Variants in ANKRD30B observed in about 807,000 individuals in gnomAD.
ANKRD30B encodes the protein ankyrin repeat domain-containing protein 30B.
In ANKRD30B, 144 loss-of-function variants were observed where a neutral mutation model predicts 202.2. The observed-to-expected ratio is 0.71, with a 90% CI of 0.62 to 0.82. ANKRD30B has a LOEUF of 0.82. Among genes scored for constraint, ANKRD30B ranks in the 40% least tolerant of loss-of-function variants. The pLI, the probability that ANKRD30B is intolerant of heterozygous loss-of-function variation, is 0.00. For synonymous variants in ANKRD30B, 508 were observed against 561.3 expected (o/e 0.91, Z 1.34); for missense variants, 1,487 against 1,669.1 (o/e 0.89, Z 1.90).
chr18:14,937,724 T>A, the ANKRD30B span, among the ~76,000 whole-genome samples: 4 of 152,250 alleles, frequency 2.6e-5, no homozygotes, highest in Non-Finnish European at 5.9e-5. Flanking sequence ...TGTTGCTCCG[T>A]TCTTCTGTTG....
chr18:14,767,482 T>A lies in ANKRD30B; in HGVS notation c.1226-1861T>A, dbSNP rs540341756. Among the ~76,000 whole-genome samples the A allele has an allele frequency of 5.3e-5, 8 of 152,296 alleles. No homozygotes were observed. In the South Asian group the frequency reaches 1.4e-3, roughly 28 times the overall value. ...GTGAATACGGTCTCTCAAAGTGTCT[T>A]GTATTGTACTCACCCTTCTTTTTCT... On this transcript the variant is annotated intron_variant, in intron 7 of 43. Coordinates refer to ENST00000690538, the MANE Select transcript of ANKRD30B (RefSeq NM_001367607.2).
chr18:14,843,229 C>T, intron 39 of ANKRD30B, 133 bp downstream of exon 39: 1 of 939,202 alleles, frequency 1.1e-6, no homozygotes, highest in Non-Finnish European at 1.5e-6. Flanking sequence ...GTGGTATCCA[C>T]ATTTGAAAAA....
At chr18:14,790,854 T>G (rs2143924091) in intron 15 of ANKRD30B, among the ~76,000 whole-genome samples, 1 of 152,156 alleles carries the variant, frequency 6.6e-6, no homozygotes, top group Admixed American at 6.5e-5. Context: ...AAATTCTCTT[T>G]TTTTTGTTGT....
chr18:14,852,511 TAA>T, intron 42 of ANKRD30B, 91 bp downstream of exon 42: 1 of 1,361,244 alleles, frequency 7.3e-7, no homozygotes, highest in Non-Finnish European at 9.6e-7. Context: ...TATATATATA[TAA>T]ATAGATGATA....
chr18:14,887,183 G>A, the ANKRD30B span, among the ~76,000 whole-genome samples: 1 of 152,064 alleles, frequency 6.6e-6, no homozygotes. Context: ...CTTTGGAAGT[G>A]GAAATTCATC....
the ANKRD30B span, among the ~76,000 whole-genome samples, chr18:14,866,638 G>T: frequency 6.6e-6 from 1 of 152,226 alleles, no homozygotes; most frequent in Admixed American, 6.5e-5. Context: ...AAAGATGGCA[G>T]GGTAGGTGCG....
In ANKRD30B at chr18:14,819,570, T is replaced by G. The variant is rs1254152094; in HGVS notation, c.2642-2913T>G. 2.6e-5 allele frequency among the ~76,000 whole-genome samples: 4 copies of G among 152,328 alleles called. No homozygotes were observed. The East Asian group carries it at 5.8e-4, about 22-fold the overall frequency. On this transcript the variant is annotated intron_variant, in intron 30 of 43. Coordinates refer to ENST00000690538, the MANE Select transcript of ANKRD30B (RefSeq NM_001367607.2). ...TGTAAGGAAGGGATCCAGTTTCAGC[T>G]TTCTACATATGGCTCGCCAGTTTTC...
chr18:14,886,492 G>C, the ANKRD30B span, among the ~76,000 whole-genome samples: 1 of 152,056 alleles, frequency 6.6e-6, no homozygotes, highest in East Asian at 1.9e-4. Context: ...ACCAGGAATG[G>C]ATTTACTACT....
chr18:14,795,932 C>T lies in ANKRD30B; in HGVS notation c.1826-289C>T, dbSNP rs1298234115. ...TTCTTTCCCTATACGGCAGATTAAT[C>T]TTACTGGTATTAGGATTTTTCTAAT... On this transcript the variant is annotated intron_variant, in intron 16 of 43. Transcript: ENST00000690538. 7.3e-5 allele frequency among the ~76,000 whole-genome samples: 11 copies of T among 151,204 alleles called. 1 individual carries two copies. The highest frequency in any genetic ancestry group is 1.5e-5 in the Non-Finnish European group (1 of 67,914).
chr18:14,851,693 A>C lies in ANKRD30B; in HGVS notation c.3749A>C (p.Lys1250Thr), dbSNP rs1445224910. Residue 1250 changes from lysine to threonine, a missense_variant, in exon 42 of 44, where the codon AAA (lysine) becomes ACA (threonine). Physicochemically the swap from Lys to Thr is moderately conservative, Grantham distance 78. This residue lies in a region of ANKRD30B where 177 missense variants were observed against 216.4 expected (regional missense o/e 0.82). Coordinates refer to ENST00000690538, the MANE Select transcript of ANKRD30B (RefSeq NM_001367607.2). ...EKNAELQMTL[K>T]LKQKTVTKRA... ...AATGCTGAACTTCAAATGACCCTAA[A>C]ACTGAAACAGAAAACAGTAACAAAA... The C allele has an allele frequency of 7.4e-6, 12 of 1,610,780 alleles. 1 individual carries two copies. In the South Asian group the frequency reaches 1.3e-4, roughly 18 times the overall value.
At position 14,808,758 on chromosome 18, in the gene ANKRD30B, T is replaced by A. The variant is rs1568034703; in HGVS notation, c.2386+14T>A. The A allele has an allele frequency of 7.0e-7, 1 of 1,419,644 alleles. No individual in the cohort carries two copies. Among genetic ancestry groups the A allele is most frequent in the Non-Finnish European group, 9.5e-7 (1 of 1,047,516 alleles). 87.9% of individuals were successfully genotyped at this position (1,419,644 alleles called of 1,614,324 possible). ...CACTCAAAGCAGGTAAATTTTGTAA[T>A]TTAAATTTTAATCTGGAATTAAGAA... On this transcript the variant is annotated intron_variant, in intron 26 of 43. Transcript: ENST00000690538.
the ANKRD30B span, among the ~76,000 whole-genome samples, chr18:14,876,118 T>C: frequency 2.0e-5 from 3 of 151,788 alleles, no homozygotes; most frequent in Non-Finnish European, 4.4e-5. Flanking sequence ...GGCATGGCTC[T>C]GGACCTCAGG....
At chr18:14,790,085 CTCCTTGAAGAGG>C (rs1216409691) in intron 15 of ANKRD30B, among the ~76,000 whole-genome samples, 1 of 152,018 alleles carries the variant, frequency 6.6e-6, no homozygotes, top group Non-Finnish European at 1.5e-5. Flanking sequence ...GTTTGTAGTT[CTCCTTGAAGAGG>C]TCCTTCATGT....
the ANKRD30B span, among the ~76,000 whole-genome samples, chr18:14,874,979 T>G: frequency 2.6e-5 from 4 of 152,158 alleles, no homozygotes; most frequent in Non-Finnish European, 5.9e-5. Flanking sequence ...ACAGGTCCAC[T>G]CAGGCTGCAC....
At chr18:14,907,332 A>G in the ANKRD30B span, among the ~76,000 whole-genome samples, 1 of 152,088 alleles carries the variant, frequency 6.6e-6, no homozygotes. Flanking sequence ...AAAAGACATC[A>G]AATGATAGGG....
chr18:14,785,020 G>GTT (rs1380081644), intron 14 of ANKRD30B, among the ~76,000 whole-genome samples: 1 of 152,108 alleles, frequency 6.6e-6, no homozygotes, highest in Admixed American at 6.6e-5. Context: ...GTGTTTGTGT[G>GTT]TGTGTGTGTC....
At chr18:14,860,180 C>T in the ANKRD30B span, among the ~76,000 whole-genome samples, 1 of 148,876 alleles carries the variant, frequency 6.7e-6, no homozygotes, top group Admixed American at 6.7e-5. Flanking sequence ...AGAGGCGCTC[C>T]TCACCTCCCA....
At chr18:14,757,611 T>A (rs1174957007) in intron 4 of ANKRD30B, among the ~76,000 whole-genome samples, 1 of 152,186 alleles carries the variant, frequency 6.6e-6, no homozygotes, top group Non-Finnish European at 1.5e-5. Context: ...GGACTTTATG[T>A]TAGCCAATTC....
chr18:14,898,354 C>T, the ANKRD30B span, among the ~76,000 whole-genome samples: 1 of 152,076 alleles, frequency 6.6e-6, no homozygotes, highest in Non-Finnish European at 1.5e-5. Flanking sequence ...GTGAGATTTT[C>T]ATAAGGAGCG....
Sources: gnomAD v4.1 joint callset for allele counts (sites outside exome capture counted in the v4.1 genomes callset) on GRCh38, gnomAD v4.1.1 for gene constraint, gnomAD v4.1.1 regional missense constraint, MANE v1.5 for transcripts, NCBI Gene and HGNC (gene_info 2026-07-23, HGNC 2026-07-21) for gene names.